WIPF3: variants seen among roughly 807,000 people sequenced by gnomAD.
The protein encoded by WIPF3 is WAS/WASL-interacting protein family member 3.
WIPF3 carries 33 observed loss-of-function variants against 38.9 expected under a neutral mutation model. The ratio of observed to expected loss-of-function variants is 0.85; its 90% CI spans 0.64 to 1.14. The LOEUF (loss-of-function observed/expected upper bound fraction) is 1.14. WIPF3 is among the 50% of genes most tolerant of loss of function. The pLI is 0.00. For missense variants in WIPF3, 711 were observed against 652.5 expected (o/e 1.09, Z -0.98); for synonymous variants, 324 against 269.3 (o/e 1.20, Z -1.99).
In WIPF3 at chr7:29,888,098, C is replaced by T; in HGVS notation, c.1130C>T (p.Pro377Leu). 6.2e-7 allele frequency: 1 copy of T among 1,613,990 alleles called. No individual in the cohort carries two copies. Among genetic ancestry groups the T allele is most frequent in the Non-Finnish European group, 8.5e-7 (1 of 1,179,892 alleles). ...GAGGGKLNPPPAPPARSPTTE... is the reference protein window; with the variant it reads ...GAGGGKLNPPLAPPARSPTTE... ...GGTGGGGGAAAGCTAAATCCACCTC[C>T]AGCACCCCCTGCGAGATCACCTACC... The change falls in exon 6 of 9, where the codon CCA becomes CTA. Residue 377 changes from proline (P) to leucine (L), a missense_variant. Coordinates refer to ENST00000242140, the MANE Select transcript of WIPF3 (RefSeq NM_001080529.3).
Position 29,884,217 on chromosome 7 carries a change from G to A in WIPF3, c.723G>A (p.Ser241=). The A allele has an allele frequency of 1.4e-6, 2 of 1,383,902 alleles. No individual in the cohort carries two copies. The highest frequency in any genetic ancestry group is 9.4e-7 in the Non-Finnish European group (1 of 1,067,754). The allele number at this position is 1,383,902 out of a possible 1,614,324, so 85.7% of individuals were successfully genotyped here. A position where few individuals can be genotyped will look rare whatever the true frequency, so the allele number is the denominator to read the frequency against. Residue 241 remains serine, a synonymous_variant, in exon 5 of 9, where the codon TCG becomes TCA. Coordinates refer to ENST00000242140, the MANE Select transcript of WIPF3 (RefSeq NM_001080529.3). ...PPTPPPLPPA[S]VLSDKAVKPQ... Reference sequence around the variant, plus strand: ...CGCCACCCCCGCTGCCCCCGGCCTCGGTTCTTAGTGACAAGGCAGTGAAGC... The same window carrying A: ...CGCCACCCCCGCTGCCCCCGGCCTCAGTTCTTAGTGACAAGGCAGTGAAGC...
chr7:29,904,603 G>T, intron 8 of WIPF3: 2 of 462,396 alleles, frequency 4.3e-6, no homozygotes, highest in Non-Finnish European at 7.7e-6. Context: ...AGCAAGTTTA[G>T]CAACTCTGAC....
intron 7 of WIPF3, among the ~76,000 whole-genome samples, chr7:29,891,668 C>T (rs544803193): frequency 2.0e-5 from 3 of 152,166 alleles, no homozygotes; most frequent in Non-Finnish European, 2.9e-5. Context: ...GCCTGTCATA[C>T]GGCAGGCACC....
In WIPF3 at chr7:29,904,210, G is replaced by A. The variant is rs759157988; in HGVS notation, c.1352-76G>A. The A allele has an allele frequency of 4.0e-4, 582 of 1,446,530 alleles. 5 individuals carry two copies. Among genetic ancestry groups the A allele is most frequent in the Middle Eastern group, 2.3e-3 (12 of 5,300 alleles). The allele number at this position is 1,446,530 out of a possible 1,614,324, so 89.6% of individuals were successfully genotyped here. ...TTTCATTGTTTTAAGTGCTGATTTA[G>A]AGAAAGTTTCTCTGTGAAACATGCA... On this transcript the variant is annotated intron_variant, in intron 7 of 8. Coordinates refer to ENST00000242140, the MANE Select transcript of WIPF3 (RefSeq NM_001080529.3).
chr7:29,807,329 T>C (rs1403841511), intron 1 of WIPF3, among the ~76,000 whole-genome samples: 5 of 152,224 alleles, frequency 3.3e-5, no homozygotes, highest in Admixed American at 3.3e-4. Context: ...GTAGTCAGAC[T>C]GTGCTCCAGC....
At chr7:29,892,834 G>T (rs1441065407) in intron 7 of WIPF3, among the ~76,000 whole-genome samples, 1 of 152,198 alleles carries the variant, frequency 6.6e-6, no homozygotes, top group Non-Finnish European at 1.5e-5. Context: ...GGGAGGCTGA[G>T]GCAGGCAGAT....
chr7:29,841,283 T>C (rs1432534515), intron 2 of WIPF3, among the ~76,000 whole-genome samples: 2 of 152,210 alleles, frequency 1.3e-5, no homozygotes, highest in African/African-American at 4.8e-5. Flanking sequence ...CTAAACATTT[T>C]TTAGTTTCAG....
chr7:29,884,852 G>A (rs1039287426), intron 5 of WIPF3, among the ~76,000 whole-genome samples: 3 of 152,192 alleles, frequency 2.0e-5, no homozygotes, highest in Non-Finnish European at 4.4e-5. Context: ...GGGGATAGAT[G>A]GCAATAGTTG....
At chr7:29,825,354 A>T (rs779493570) in intron 1 of WIPF3, among the ~76,000 whole-genome samples, 1 of 152,154 alleles carries the variant, frequency 6.6e-6, no homozygotes, top group Admixed American at 6.6e-5. Context: ...AGTTGAAGGA[A>T]AAAAAATATT....
chr7:29,860,562 C>T (rs1785257773), intron 2 of WIPF3, among the ~76,000 whole-genome samples: 5 of 152,212 alleles, frequency 3.3e-5, no homozygotes, highest in Admixed American at 3.3e-4. Context: ...GCCTGCAGGA[C>T]TGTAAGTCAA....
chr7:29,903,311 A>G (rs528501050), intron 7 of WIPF3, among the ~76,000 whole-genome samples: 2 of 152,294 alleles, frequency 1.3e-5, no homozygotes, highest in Non-Finnish European at 2.9e-5. Flanking sequence ...AAATAAAATG[A>G]AAAATAAAAT....
At chr7:29,853,253 G>T (rs762610364) in intron 2 of WIPF3, among the ~76,000 whole-genome samples, 1 of 152,202 alleles carries the variant, frequency 6.6e-6, no homozygotes, top group Non-Finnish European at 1.5e-5. Context: ...TCTTGCAGGG[G>T]TGTGCCTTCT....
At chr7:29,834,948 C>G in intron 2 of WIPF3, 134 bp downstream of exon 2, 1 of 1,115,908 alleles carries the variant, frequency 9.0e-7, no homozygotes, top group Admixed American at 2.6e-5. Context: ...GTGGCTGGAT[C>G]TGGCAGCTTT....
At chr7:29,809,602 C>A (rs1385529259) in intron 1 of WIPF3, among the ~76,000 whole-genome samples, 1 of 152,226 alleles carries the variant, frequency 6.6e-6, no homozygotes, top group African/African-American at 2.4e-5. Context: ...TTTCCCCAGC[C>A]GATGCTGGGC....
chr7:29,815,350 T>C (rs978056815), intron 1 of WIPF3, among the ~76,000 whole-genome samples: 2 of 152,210 alleles, frequency 1.3e-5, no homozygotes, highest in African/African-American at 4.8e-5. Context: ...GTTGTTCTGG[T>C]TTTCACCCAA....
intron 7 of WIPF3, among the ~76,000 whole-genome samples, chr7:29,902,268 C>CTT (rs1267369053): frequency 5.2e-4 from 61 of 117,346 alleles, no homozygotes; most frequent in African/African-American, 1.6e-3. Context: ...TCTTCTTCTT[C>CTT]TTCTTCTTTT....
chr7:29,847,464 C>T (rs1281954984), intron 2 of WIPF3, among the ~76,000 whole-genome samples: 3 of 152,164 alleles, frequency 2.0e-5, no homozygotes, highest in African/African-American at 7.2e-5. Flanking sequence ...ATTTTATTAA[C>T]GTGTACCTGG....
intron 2 of WIPF3, among the ~76,000 whole-genome samples, chr7:29,867,976 G>T (rs1004933589): frequency 4.6e-5 from 7 of 152,066 alleles, no homozygotes; most frequent in African/African-American, 1.7e-4. Context: ...AAGTGGAGTG[G>T]CTTAGTTTTT....
chr7:29,889,010 A>G (rs1220748976), intron 6 of WIPF3, among the ~76,000 whole-genome samples: 1 of 152,156 alleles, frequency 6.6e-6, no homozygotes, highest in East Asian at 1.9e-4. Context: ...GCCCCATGCC[A>G]CTTCCACCCC....
Sources: allele counts gnomAD v4.1 joint callset (sites outside exome capture counted in the v4.1 genomes callset), GRCh38; gene constraint gnomAD v4.1.1; transcripts MANE v1.5; gene names NCBI Gene and HGNC (gene_info 2026-07-23, HGNC 2026-07-21).